BANK1: variants seen among roughly 807,000 people sequenced by gnomAD.
BANK1 encodes the protein B-cell scaffold protein with ankyrin repeats.
BANK1 carries 95 observed loss-of-function variants against 94.5 expected under a neutral mutation model. That is an observed-to-expected ratio of 1.00 (90% CI 0.85 to 1.19). The LOEUF (loss-of-function observed/expected upper bound fraction) is 1.19, where lower values mean the gene tolerates loss of function less well. Ranked by LOEUF, BANK1 falls within the 50% of genes most tolerant of loss-of-function variation. BANK1 has a pLI of 0.00. For synonymous variants in BANK1, 334 were observed against 308.4 expected (o/e 1.08, Z -0.87); for missense variants, 987 against 932.2 (o/e 1.06, Z -0.77).
In BANK1 at chr4:102,030,152, G is replaced by T; in HGVS notation, c.1787G>T (p.Ser596Ile). Residue 596 changes from serine (S) to isoleucine (I), a missense_variant, in exon 10 of 17, where the codon AGT (serine) becomes ATT (isoleucine). Physicochemically the swap from Ser to Ile is moderately radical, Grantham distance 142 (BLOSUM62 -2). Transcript: ENST00000322953. ...TATGACATGATATTGGCCAATCTGAGTATAAAGAAAAAAACTGGGAGTCGG... is the reference window on the plus strand; with the variant it reads ...TATGACATGATATTGGCCAATCTGATTATAAAGAAAAAAACTGGGAGTCGG... ...SEYDMILANL[S>I]IKKKTGSRSF... is the part of the protein sequence containing the mutation. 1.2e-6 allele frequency: 2 copies of T among 1,614,010 alleles called. No individual in the cohort carries two copies. The highest frequency in any genetic ancestry group is 1.7e-6 in the Non-Finnish European group (2 of 1,179,972).
chr4:101,913,462 A>G (rs1314639678), intron 6 of BANK1, among the ~76,000 whole-genome samples: 1 of 152,082 alleles, frequency 6.6e-6, no homozygotes, highest in Non-Finnish European at 1.5e-5. Flanking sequence ...AACACTTCAC[A>G]TCTCCCTTTG....
chr4:101,794,143 A>G (rs1319247527), intron 1 of BANK1, among the ~76,000 whole-genome samples: 3 of 152,124 alleles, frequency 2.0e-5, no homozygotes, highest in Non-Finnish European at 4.4e-5. Flanking sequence ...AGTTGCAGGA[A>G]AGAATAAAGA....
At chr4:101,901,845 C>G (rs901707371) in intron 6 of BANK1, among the ~76,000 whole-genome samples, 29 of 152,096 alleles carry the variant, frequency 1.9e-4, no homozygotes, top group African/African-American at 6.8e-4. Context: ...ACTGCAAGCT[C>G]TGCCTCCTAG....
chr4:101,845,133 T>C (rs1727195534), intron 2 of BANK1, among the ~76,000 whole-genome samples: 1 of 152,134 alleles, frequency 6.6e-6, no homozygotes, highest in Non-Finnish European at 1.5e-5. Context: ...TATGAAAATA[T>C]GAAACTAAAT....
intron 1 of BANK1, among the ~76,000 whole-genome samples, chr4:101,800,100 G>T (rs1364678471): frequency 7.4e-6 from 1 of 134,238 alleles, no homozygotes; most frequent in Non-Finnish European, 1.6e-5. Context: ...TTGGACGCAG[G>T]ATGCGGAACA....
chr4:102,029,854 G>A (rs1180529836), intron 9 of BANK1, 106 bp from the exon 10 acceptor site: 18 of 1,004,484 alleles, frequency 1.8e-5, no homozygotes, highest in Non-Finnish European at 2.7e-5. Flanking sequence ...TGTTTCCTAC[G>A]GCACTTGACT....
At chr4:102,012,034 A>G (rs937181218) in intron 7 of BANK1, among the ~76,000 whole-genome samples, 31 of 152,284 alleles carry the variant, frequency 2.0e-4, no homozygotes, top group Middle Eastern at 3.4e-3. Flanking sequence ...ATATGTATGT[A>G]TGTCTCCTAG....
At chr4:101,904,693 G>A (rs1722389606) in intron 6 of BANK1, among the ~76,000 whole-genome samples, 2 of 152,120 alleles carry the variant, frequency 1.3e-5, no homozygotes, top group East Asian at 3.9e-4. Context: ...TGTTCCCATT[G>A]TTGTAATAAA....
intron 1 of BANK1, among the ~76,000 whole-genome samples, chr4:101,793,920 C>T (rs969086404): frequency 1.3e-4 from 20 of 151,938 alleles, no homozygotes; most frequent in Non-Finnish European, 2.2e-4. Flanking sequence ...GAAAAACTGC[C>T]TCATACTGAT....
chr4:101,959,804 T>G (rs1459222669), intron 7 of BANK1, among the ~76,000 whole-genome samples: 1 of 152,154 alleles, frequency 6.6e-6, no homozygotes, highest in East Asian at 1.9e-4. Context: ...CGAGAAGAAA[T>G]TGTTTGTGGC....
chr4:102,014,321 G>A, intron 7 of BANK1, among the ~76,000 whole-genome samples: 1 of 152,036 alleles, frequency 6.6e-6, no homozygotes, highest in East Asian at 1.9e-4. Context: ...ATTTGCATAT[G>A]GCCTGCTCAA....
intron 10 of BANK1, among the ~76,000 whole-genome samples, chr4:102,031,329 T>C (rs1727301498): frequency 6.6e-6 from 1 of 152,222 alleles, no homozygotes; most frequent in Non-Finnish European, 1.5e-5. Context: ...TTGTAGATTC[T>C]GGATATTAGC....
At chr4:101,907,508 C>A (rs1435830232) in intron 6 of BANK1, among the ~76,000 whole-genome samples, 2 of 152,106 alleles carry the variant, frequency 1.3e-5, no homozygotes, top group Admixed American at 6.5e-5. Flanking sequence ...ACAGGGATGC[C>A]CTCTCTCACC....
At chr4:101,834,394 A>G (rs1336547495) in intron 2 of BANK1, among the ~76,000 whole-genome samples, 2 of 152,198 alleles carry the variant, frequency 1.3e-5, no homozygotes, top group Non-Finnish European at 2.9e-5. Flanking sequence ...AATATAGTGC[A>G]TTTTTGTCTG....
chr4:101,961,360 T>C (rs867816050), intron 7 of BANK1, among the ~76,000 whole-genome samples: 2 of 152,186 alleles, frequency 1.3e-5, no homozygotes, highest in Admixed American at 6.5e-5. Context: ...TATGCTGAGT[T>C]GCATCCTTAT....
chr4:101,836,421 C>A (rs10016325), intron 2 of BANK1, among the ~76,000 whole-genome samples: 67,424 of 151,990 alleles, frequency 0.44, 15,535 homozygotes, highest in African/African-American at 0.55. Context: ...CAGAGGCTGC[C>A]GTGAGCCCAG....
At chr4:101,924,370 T>C (rs1723089405) in intron 7 of BANK1, among the ~76,000 whole-genome samples, 1 of 151,814 alleles carries the variant, frequency 6.6e-6, no homozygotes, top group Non-Finnish European at 1.5e-5. Flanking sequence ...CGCTGTTTTC[T>C]CAGTGTTTTG....
chr4:101,807,099 A>C (rs1013016790), intron 1 of BANK1, among the ~76,000 whole-genome samples: 1 of 152,210 alleles, frequency 6.6e-6, no homozygotes, highest in Non-Finnish European at 1.5e-5. Context: ...GAAAATCACC[A>C]GTCATTTCAG....
intron 1 of BANK1, among the ~76,000 whole-genome samples, chr4:101,815,112 A>G (rs950728726): frequency 6.6e-6 from 1 of 152,160 alleles, no homozygotes; most frequent in African/African-American, 2.4e-5. Flanking sequence ...CAAATGGCTT[A>G]TATCTGTGAG....
Sources: allele counts gnomAD v4.1 joint callset (sites outside exome capture counted in the v4.1 genomes callset), GRCh38; gene constraint gnomAD v4.1.1; transcripts MANE v1.5; gene names NCBI Gene and HGNC (gene_info 2026-07-23, HGNC 2026-07-21).